Variants in ITGBL1 observed in about 807,000 individuals in gnomAD.
ITGBL1 encodes the protein integrin subunit beta like 1, also known as integrin beta-like protein 1.
ITGBL1 carries 51 observed loss-of-function variants against 68.5 expected under a neutral mutation model. The observed-to-expected ratio is 0.74, with a 90% CI of 0.59 to 0.94. The LOEUF is 0.94. Among genes scored for constraint, ITGBL1 ranks in the 40% least tolerant of loss-of-function variants. The pLI, the probability that ITGBL1 is intolerant of heterozygous loss-of-function variation, is 0.00. For synonymous variants in ITGBL1, 209 were observed against 227.3 expected (o/e 0.92, Z 0.72); for missense variants, 649 against 647.4 (o/e 1.00, Z -0.03).
intron 2 of ITGBL1, among the ~76,000 whole-genome samples, chr13:101,515,923 G>A (rs2139122218): frequency 6.6e-6 from 1 of 152,204 alleles, no homozygotes; most frequent in Non-Finnish European, 1.5e-5. Flanking sequence ...GCACTTAAAT[G>A]TGCATCAAAG....
intron 2 of ITGBL1, among the ~76,000 whole-genome samples, chr13:101,522,384 C>G (rs997361312): frequency 5.3e-5 from 8 of 152,190 alleles, no homozygotes; most frequent in Non-Finnish European, 7.3e-5. Context: ...ACTATTCCCT[C>G]CCTCCATTGG....
intron 7 of ITGBL1, among the ~76,000 whole-genome samples, chr13:101,616,880 C>T (rs75681620): frequency 0.013 from 1,907 of 152,252 alleles, 38 homozygotes; most frequent in African/African-American, 0.043. Flanking sequence ...AATCCCATAT[C>T]CAGGGACTCT....
Position 101,472,999 on chromosome 13 carries a change from CAGTT to C in ITGBL1, c.316+18901_316+18904del, listed in dbSNP as rs576613120. ...GTGTATAATTATGTTGTTCAATCAA[CAGTT>C]ATTTATTAAGGAACTACTATTTATA... On this transcript the variant is annotated intron_variant, in intron 2 of 10. Coordinates refer to ENST00000376180, the MANE Select transcript of ITGBL1 (RefSeq NM_004791.3). Among the ~76,000 whole-genome samples, 266 of 152,166 alleles carry C rather than the reference CAGTT, an allele frequency of 1.7e-3. 2 individuals are homozygous for C. The highest frequency in any genetic ancestry group is 6.0e-3 in the African/African-American group (251 of 41,524).
chr13:101,604,887 T>TGTATATATATATATATACAC (rs1555361661), intron 7 of ITGBL1, among the ~76,000 whole-genome samples: 1 of 22,164 alleles, frequency 4.5e-5, no homozygotes, highest in Non-Finnish European at 8.2e-5. Context: ...TATATATATA[T>TGTATATATATATATATACAC]ACACACACAC....
chr13:101,639,636 C>T (rs1336884984), intron 7 of ITGBL1, among the ~76,000 whole-genome samples: 5 of 152,136 alleles, frequency 3.3e-5, no homozygotes, highest in Admixed American at 3.3e-4. Flanking sequence ...GTCTTCCTTA[C>T]TTTTAATTTA....
intron 2 of ITGBL1, among the ~76,000 whole-genome samples, chr13:101,458,223 T>C (rs2048270591): frequency 6.6e-6 from 1 of 152,236 alleles, no homozygotes; most frequent in Non-Finnish European, 1.5e-5. Context: ...CCAGGGGTTA[T>C]ATATTATGGC....
At chr13:101,471,552 GTGTGTGTGTGTGTGTGTA>G (rs1566689228) in intron 2 of ITGBL1, among the ~76,000 whole-genome samples, 6 of 141,946 alleles carry the variant, frequency 4.2e-5, no homozygotes, top group East Asian at 2.7e-4. Context: ...GTGTGTGTGT[GTGTGTGTGTGTGTGTGTA>G]TATATATTTC....
At chr13:101,634,200 A>T (rs907721063) in intron 7 of ITGBL1, among the ~76,000 whole-genome samples, 8 of 152,180 alleles carry the variant, frequency 5.3e-5, no homozygotes, top group African/African-American at 1.9e-4. Flanking sequence ...CCAGTTAAAA[A>T]TTTCTACTCT....
chr13:101,599,000 G>C (rs1594917072), intron 7 of ITGBL1, among the ~76,000 whole-genome samples: 1 of 152,260 alleles, frequency 6.6e-6, no homozygotes, highest in East Asian at 1.9e-4. Context: ...AGATCCCTGA[G>C]GAATTGTCAC....
chr13:101,665,197 G>C (rs2033185633), intron 7 of ITGBL1, among the ~76,000 whole-genome samples: 2 of 152,064 alleles, frequency 1.3e-5, no homozygotes, highest in Non-Finnish European at 2.9e-5. Context: ...CATGAAAACT[G>C]TTGGGATTTT....
At chr13:101,560,635 C>A (rs2050084438) in intron 2 of ITGBL1, among the ~76,000 whole-genome samples, 1 of 152,018 alleles carries the variant, frequency 6.6e-6, no homozygotes, top group African/African-American at 2.4e-5. Flanking sequence ...TATATATGAA[C>A]AAAAATTTGC....
chr13:101,555,783 A>T (rs1277787759), intron 2 of ITGBL1, among the ~76,000 whole-genome samples: 1 of 152,056 alleles, frequency 6.6e-6, no homozygotes, highest in Non-Finnish European at 1.5e-5. Flanking sequence ...TTCATCTGTT[A>T]GTAGGTTTGT....
chr13:101,469,683 T>C (rs1416518256), intron 2 of ITGBL1, among the ~76,000 whole-genome samples: 1 of 152,086 alleles, frequency 6.6e-6, no homozygotes, highest in Non-Finnish European at 1.5e-5. Flanking sequence ...AACTCCATCT[T>C]TCCATCTATA....
intron 7 of ITGBL1, among the ~76,000 whole-genome samples, chr13:101,689,717 T>A (rs1415186253): frequency 6.6e-6 from 1 of 152,206 alleles, no homozygotes; most frequent in East Asian, 1.9e-4. Flanking sequence ...GTTAACTTTT[T>A]AAAAAATGTT....
chr13:101,544,426 A>G (rs541921321), intron 2 of ITGBL1, among the ~76,000 whole-genome samples: 3 of 152,266 alleles, frequency 2.0e-5, no homozygotes, highest in Admixed American at 6.5e-5. Flanking sequence ...TTTGTCTCAG[A>G]GGAGTACCTG....
chr13:101,561,654 G>T (rs981782413), intron 2 of ITGBL1, among the ~76,000 whole-genome samples: 1 of 152,174 alleles, frequency 6.6e-6, no homozygotes, highest in Non-Finnish European at 1.5e-5. Context: ...GGGACTTCTT[G>T]TCAGAAACCA....
chr13:101,703,377 G>C (rs2034180485), intron 8 of ITGBL1, among the ~76,000 whole-genome samples: 1 of 152,168 alleles, frequency 6.6e-6, no homozygotes, highest in Non-Finnish European at 1.5e-5. Context: ...AAATGTGCAG[G>C]AAACAATGAA....
chr13:101,489,492 G>A (rs916948378), intron 2 of ITGBL1, among the ~76,000 whole-genome samples: 16 of 152,128 alleles, frequency 1.1e-4, no homozygotes, highest in Non-Finnish European at 2.1e-4. Context: ...TATAGGAGGG[G>A]CTCAATATAA....
chr13:101,529,928 A>G (rs964248410), intron 2 of ITGBL1, among the ~76,000 whole-genome samples: 10 of 152,298 alleles, frequency 6.6e-5, no homozygotes, highest in Admixed American at 5.9e-4. Context: ...AGCAGTTAAG[A>G]TAATCAAGAA....
Sources: allele counts gnomAD v4.1 joint callset (sites outside exome capture counted in the v4.1 genomes callset), GRCh38; gene constraint gnomAD v4.1.1; transcripts MANE v1.5; gene names NCBI Gene and HGNC (gene_info 2026-07-23, HGNC 2026-07-21).